Variants in DRG1 observed in about 807,000 individuals in gnomAD.
DRG1 encodes developmentally-regulated GTP-binding protein 1.
DRG1 carries 19 observed loss-of-function variants against 38.8 expected under a neutral mutation model. That is an observed-to-expected ratio of 0.49 (90% CI 0.34 to 0.72). The LOEUF is 0.72. Among genes scored for constraint, DRG1 ranks in the 30% least tolerant of loss-of-function variants. The probability of loss-of-function intolerance (pLI) is 0.01; values close to 1 mark genes in which losing one functional copy is unlikely to be tolerated. For synonymous variants in DRG1, 167 were observed against 157.5 expected, an observed-to-expected ratio of 1.06 and a Z score of -0.45; for missense variants, 299 against 444.8, an observed-to-expected ratio of 0.67 and a Z score of 2.95.
chr22:31,427,323 T>G (rs1463391102), intron 8 of DRG1, 141 bp downstream of exon 8: 8 of 1,169,782 alleles, frequency 6.8e-6, no homozygotes, highest in Non-Finnish European at 8.1e-6. Context: ...CTCTGCAGTG[T>G]CTTCTTAAAA....
chr22:31,433,526 C>G (rs1045502322), intron 8 of DRG1, among the ~76,000 whole-genome samples: 1 of 152,216 alleles, frequency 6.6e-6, no homozygotes, highest in Non-Finnish European at 1.5e-5. Flanking sequence ...ACCCTTCGGC[C>G]TCCCAAAGTG....
rs1394096515 is a variant in DRG1 at position 31,413,082 on chromosome 22, T to C, written c.412+2001T>C. ...GCTAATAGAATGCTGGACTTCTGGG[T>C]TTATAATTTTCTTAATTTTCTTTTT... is the stretch of plus-strand genomic sequence containing the variant. On this transcript the variant is annotated intron_variant, in intron 4 of 8. Transcript: ENST00000331457. Among the ~76,000 whole-genome samples the C allele has an allele frequency of 3.3e-5, 5 of 152,134 alleles. No individual in the cohort carries two copies. In the South Asian group the frequency reaches 8.3e-4, roughly 25 times the overall value.
chr22:31,430,217 G>C (rs1248245601), intron 8 of DRG1, among the ~76,000 whole-genome samples: 1 of 152,098 alleles, frequency 6.6e-6, no homozygotes, highest in Non-Finnish European at 1.5e-5. Flanking sequence ...ATTGCCTGTA[G>C]GCCCTCTCAG....
intron 2 of DRG1, among the ~76,000 whole-genome samples, chr22:31,402,388 GTTTATT>G (rs2049967376): frequency 6.6e-6 from 1 of 151,330 alleles, no homozygotes; most frequent in African/African-American, 2.4e-5. Context: ...TAATTAATTT[GTTTATT>G]TTAGTTATAA....
At chr22:31,414,954 C>T (rs932344879) in intron 4 of DRG1, among the ~76,000 whole-genome samples, 1 of 151,794 alleles carries the variant, frequency 6.6e-6, no homozygotes, top group Non-Finnish European at 1.5e-5. Flanking sequence ...TAATTTTTTA[C>T]TTTTTGAGAG....
Position 31,418,291 on chromosome 22 carries a change from T to C in DRG1, c.413-1965T>C, listed in dbSNP as rs1311570174. On this transcript the variant is annotated intron_variant, in intron 4 of 8. Coordinates refer to ENST00000331457, the MANE Select transcript of DRG1 (RefSeq NM_004147.4). Reference sequence around the variant, plus strand: ...GACCCTGTCTCTACAAAAATAAAAATTAAAAAAAAGAAAAAAATAGCCATG... The same window carrying C: ...GACCCTGTCTCTACAAAAATAAAAACTAAAAAAAAGAAAAAAATAGCCATG... 4.6e-5 allele frequency among the ~76,000 whole-genome samples: 7 copies of C among 151,412 alleles called. No individual in the cohort carries two copies. The Admixed American group carries it at 4.6e-4, about 10-fold the overall frequency.
At chr22:31,408,944 G>T (rs143194812) in intron 3 of DRG1, among the ~76,000 whole-genome samples, 1 of 152,078 alleles carries the variant, frequency 6.6e-6, no homozygotes, top group East Asian at 1.9e-4. Context: ...TAATTTTGCT[G>T]AGATGTAAAT....
At chr22:31,423,863 CTTTTTTTTTT>C (rs71202076) in intron 6 of DRG1, among the ~76,000 whole-genome samples, 1 of 119,256 alleles carries the variant, frequency 8.4e-6, no homozygotes, top group Non-Finnish European at 1.7e-5. Flanking sequence ...GCTTTGGTTT[CTTTTTTTTTT>C]TTTTTTTTGA....
At chr22:31,401,941 C>T (rs1266258608) in intron 2 of DRG1, among the ~76,000 whole-genome samples, 1 of 151,940 alleles carries the variant, frequency 6.6e-6, no homozygotes, top group Non-Finnish European at 1.5e-5. Flanking sequence ...ATCCCAGCTA[C>T]TCAGGAGGCC....
At chr22:31,414,822 C>G (rs1427891855) in intron 4 of DRG1, among the ~76,000 whole-genome samples, 1 of 151,372 alleles carries the variant, frequency 6.6e-6, no homozygotes, top group Non-Finnish European at 1.5e-5. Flanking sequence ...CTCTCTTGCC[C>G]AGGCTGGAGT....
At chr22:31,422,892 T>C (rs937803020) in intron 5 of DRG1, among the ~76,000 whole-genome samples, 1 of 152,210 alleles carries the variant, frequency 6.6e-6, no homozygotes, top group African/African-American at 2.4e-5. Context: ...GGACTTCATA[T>C]GGTGTTTGCT....
chr22:31,400,743 G>A lies in DRG1; in HGVS notation c.166G>A (p.Gly56Ser). The change falls in exon 2 of 9, where the codon GGT becomes AGT. Residue 56 changes from glycine (G) to serine (S), a missense_variant and splice_region_variant. This residue lies in a region of DRG1 where 50 missense variants were observed against 120.6 expected (regional missense o/e 0.41). Transcript: ENST00000331457. The part of the protein sequence containing the change: ...KGGGGGGPGE[G>S]FDVAKTGDAR... ...TGGTGGTGGTGGAGGTCCAGGAGAAGGTTTGTGTTCTTCTTCAATATATAT... is the reference window on the plus strand; with the variant it reads ...TGGTGGTGGTGGAGGTCCAGGAGAAAGTTTGTGTTCTTCTTCAATATATAT... 1.9e-6 allele frequency: 3 copies of A among 1,611,252 alleles called. No homozygotes were observed. The highest frequency in any genetic ancestry group is 2.5e-6 in the Non-Finnish European group (3 of 1,178,508).
chr22:31,425,948 G>C (rs942708340), intron 6 of DRG1, among the ~76,000 whole-genome samples: 1 of 152,170 alleles, frequency 6.6e-6, no homozygotes, highest in Non-Finnish European at 1.5e-5. Flanking sequence ...GTTGTGGCTT[G>C]CCTAATTAGT....
intron 8 of DRG1, among the ~76,000 whole-genome samples, chr22:31,428,072 G>C (rs1443819118): frequency 1.3e-5 from 2 of 152,088 alleles, no homozygotes; most frequent in Admixed American, 1.3e-4. Flanking sequence ...GGCTGGTCTT[G>C]AATTCCTGAG....
intron 6 of DRG1, among the ~76,000 whole-genome samples, chr22:31,426,156 C>T (rs1044677571): frequency 2.6e-5 from 4 of 152,168 alleles, no homozygotes; most frequent in Non-Finnish European, 1.5e-5. Flanking sequence ...CACATAACAT[C>T]ACCTCTTCAT....
chr22:31,433,463 G>T (rs1372420675), intron 8 of DRG1, among the ~76,000 whole-genome samples: 4 of 151,996 alleles, frequency 2.6e-5, no homozygotes, highest in East Asian at 3.9e-4. Flanking sequence ...TGGAGACGGG[G>T]TTTCACCATG....
At chr22:31,416,933 T>TA (rs2050047628) in intron 4 of DRG1, among the ~76,000 whole-genome samples, 1 of 148,454 alleles carries the variant, frequency 6.7e-6, no homozygotes. Flanking sequence ...GATGTGGTGG[T>TA]ATGCTTCTGT....
intron 6 of DRG1, among the ~76,000 whole-genome samples, chr22:31,424,094 C>A (rs1222817276): frequency 1.3e-5 from 2 of 151,770 alleles, no homozygotes; most frequent in African/African-American, 4.8e-5. Context: ...GAACTCCTGA[C>A]CTCAGGTGAT....
intron 5 of DRG1, chr22:31,421,509 A>G (rs1368957640): frequency 6.6e-6 from 1 of 151,982 alleles, no homozygotes; most frequent in African/African-American, 2.4e-5. Context: ...GGAGGGAAGG[A>G]GAAGATCAGG....
Sources: gnomAD v4.1 joint callset for allele counts (sites outside exome capture counted in the v4.1 genomes callset) on GRCh38, gnomAD v4.1.1 for gene constraint, gnomAD v4.1.1 regional missense constraint, MANE v1.5 for transcripts, NCBI Gene and HGNC (gene_info 2026-07-23, HGNC 2026-07-21) for gene names.